The following BTN2A1 variants were observed in gnomAD, a reference collection of about 807,000 sequenced individuals.
BTN2A1 encodes butyrophilin subfamily 2 member A1, also known as butyrophilin, subfamily 2, member A1.
A neutral mutation model predicts 34.5 loss-of-function variants in BTN2A1; 41 were observed. The observed-to-expected ratio is 1.19, with a 90% CI of 0.93 to 1.54. BTN2A1 has a LOEUF of 1.54. BTN2A1 is among the 40% of genes most tolerant of loss of function. BTN2A1 has a pLI of 0.00. For missense variants in BTN2A1, 642 were observed against 662.0 expected (o/e 0.97, Z 0.33); for synonymous variants, 267 against 258.6 (o/e 1.03, Z -0.31).
Position 26,462,686 on chromosome 6 carries a change from G to A in BTN2A1, c.431-558G>A, listed in dbSNP as rs146778074. The A allele has an allele frequency of 2.9e-3, 1,787 of 626,444 alleles. 7 individuals carry two copies. Among genetic ancestry groups the A allele is most frequent in the Admixed American group, 6.1e-3 (240 of 39,230 alleles). The allele number at this position is 626,444 out of a possible 1,614,324, so 38.8% of individuals were successfully genotyped here. A position where few individuals can be genotyped will look rare whatever the true frequency, so the allele number is the denominator to read the frequency against. On this transcript the variant is annotated intron_variant, in intron 3 of 7. Transcript: ENST00000312541. ...CACCTCCTATGGGTGGTAGAAAGCG[G>A]TGGTTATGTGAAGTTCTGAACTAGA... is the stretch of plus-strand genomic sequence containing the variant.
In BTN2A1 at chr6:26,458,774, T is replaced by C. The variant is rs1467428085; in HGVS notation, c.82+56T>C. Reference sequence around the variant, plus strand: ...CTATCAGAAAGGAACATCAACCCTGTAGTCTGCAAAGGGAAAGAAAGAAGG... The same window carrying C: ...CTATCAGAAAGGAACATCAACCCTGCAGTCTGCAAAGGGAAAGAAAGAAGG... On this transcript the variant is annotated intron_variant, in intron 2 of 7. Transcript: ENST00000312541. 4.4e-6 allele frequency: 7 copies of C among 1,587,720 alleles called. No individual in the cohort carries two copies. In the African/African-American group the frequency reaches 9.4e-5, roughly 21 times the overall value.
downstream of BTN2A1, among the ~76,000 whole-genome samples, chr6:26,473,984 TC>T (rs1763496834): frequency 6.6e-6 from 1 of 152,270 alleles, no homozygotes; most frequent in South Asian, 2.1e-4. Flanking sequence ...TTAGTGTTTC[TC>T]GGACCGAGTG....
downstream of BTN2A1, among the ~76,000 whole-genome samples, chr6:26,474,338 C>A (rs1193980492): frequency 1.3e-5 from 2 of 152,212 alleles, no homozygotes; most frequent in African/African-American, 4.8e-5. Context: ...CTGTGTGTCA[C>A]TTCCCTTGTG....
At position 26,468,965 on chromosome 6, in the gene BTN2A1, A is replaced by G; in HGVS notation, c.*416A>G. 2.5e-6 allele frequency: 3 copies of G among 1,207,720 alleles called. No individual in the cohort carries two copies. Among genetic ancestry groups the G allele is most frequent in the Non-Finnish European group, 3.1e-6 (3 of 954,844 alleles). The allele number at this position is 1,207,720 out of a possible 1,614,324, so 74.8% of individuals were successfully genotyped here. ...GATGTAAGAGGAGAGAGGAATCCAC[A>G]GGACCACCAGAGAGGAGAGGGAACC... On this transcript the variant is annotated 3_prime_UTR_variant, in exon 8 of 8. Transcript: ENST00000312541.
intron 7 of BTN2A1, chr6:26,476,044 G>T: frequency 1.7e-6 from 2 of 1,155,404 alleles, no homozygotes; most frequent in Admixed American, 2.0e-5. Flanking sequence ...TTTTTTTAGT[G>T]TAGTGATTTC....
At chr6:26,465,125 G>T in intron 4 of BTN2A1, 60 bp from the exon 5 acceptor site, 1 of 1,447,892 alleles carries the variant, frequency 6.9e-7, no homozygotes, top group Non-Finnish European at 9.7e-7. Flanking sequence ...GCTCCTAGGG[G>T]CACTCTTACC....
In BTN2A1 at chr6:26,468,109, G is replaced by A. The variant is rs765022777; in HGVS notation, c.1144G>A (p.Ala382Thr). Residue 382 changes from alanine to threonine, a missense_variant, in exon 8 of 8, where the codon GCT (alanine) becomes ACT (threonine). Ala to Thr is a moderately conservative substitution (Grantham distance 58). Transcript: ENST00000312541. ...QPCVLGRESFASGKHYWEVEV... is the reference protein window; with the variant it reads ...QPCVLGRESFTSGKHYWEVEV... ...TTGTGTCCTAGGCCGGGAGAGCTTC[G>A]CTTCAGGGAAACATTACTGGGAGGT... 12 of 1,614,062 alleles carry A rather than the reference G, an allele frequency of 7.4e-6. No individual in the cohort carries two copies. The highest frequency in any genetic ancestry group is 1.6e-4 in the Middle Eastern group (1 of 6,084).
intron 5 of BTN2A1, 72 bp downstream of exon 5, chr6:26,465,478 C>T: frequency 6.9e-7 from 1 of 1,450,710 alleles, no homozygotes; most frequent in Non-Finnish European, 9.6e-7. Flanking sequence ...AGGCAGATCA[C>T]TTGAGCCCTG....
rs1438195274 is a variant in BTN2A1 at position 26,466,057 on chromosome 6, T to C, written c.956-5T>C. On this transcript the variant is annotated splice_polypyrimidine_tract_variant and splice_region_variant and intron_variant, in intron 6 of 7. Coordinates refer to ENST00000312541, the MANE Select transcript of BTN2A1 (RefSeq NM_007049.5). ...ATGACATTCGTCTCTGTCTGTCCCT[T>C]GCAGGATGGAGAAGAACATTCTTAC... 1 of 1,614,188 alleles carries C rather than the reference T, an allele frequency of 6.2e-7. No individual in the cohort carries two copies. The highest frequency in any genetic ancestry group is 8.5e-7 in the Non-Finnish European group (1 of 1,180,044).
Position 26,468,205 on chromosome 6 carries a change from C to T in BTN2A1, c.1240C>T (p.Leu414=). ...CAGTGTTGAGAGGAAAGGGGAGGTCCTGCTGATTCCTCAGAATGGCTTCTG... is the reference window on the plus strand; with the variant it reads ...CAGTGTTGAGAGGAAAGGGGAGGTCTTGCTGATTCCTCAGAATGGCTTCTG... The part of the protein sequence containing the change: ...RDSVERKGEV[L]LIPQNGFWTL... The change falls in exon 8 of 8, where the codon CTG becomes TTG. Residue 414 remains leucine, a synonymous_variant. Transcript: ENST00000312541. 3 of 1,614,180 alleles carry T rather than the reference C, an allele frequency of 1.9e-6. No homozygotes were observed. Among genetic ancestry groups the T allele is most frequent in the Non-Finnish European group, 2.5e-6 (3 of 1,180,024 alleles).
chr6:26,463,449 G>C lies in BTN2A1; in HGVS notation c.636G>C (p.Lys212Asn). 1.9e-6 allele frequency: 3 copies of C among 1,614,208 alleles called. No individual in the cohort carries two copies. Among genetic ancestry groups the C allele is most frequent in the Non-Finnish European group, 2.5e-6 (3 of 1,180,030 alleles). The change falls in exon 4 of 8, where the codon AAG (lysine) becomes AAC (asparagine). Residue 212 changes from lysine to asparagine, a missense_variant. Coordinates refer to ENST00000312541, the MANE Select transcript of BTN2A1 (RefSeq NM_007049.5). The stretch of plus-strand genomic sequence containing the variant: ...CCACGGCTGTGATCATCAGAGACAA[G>C]TCTGTGAGGAACATGTCCTGCTCTA... Reference protein sequence around the residue: ...MVTTAVIIRDKSVRNMSCSIN... With the variant: ...MVTTAVIIRDNSVRNMSCSIN...
intron 3 of BTN2A1, 31 bp downstream of exon 3, chr6:26,459,859 G>A (rs1279214629): frequency 6.3e-7 from 1 of 1,583,020 alleles, no homozygotes. Flanking sequence ...TTGTTACTTT[G>A]GCACAGTGTG....
At chr6:26,469,970 G>C (rs555291842), downstream of BTN2A1, among the ~76,000 whole-genome samples, 36 of 152,126 alleles carry the variant, frequency 2.4e-4, no homozygotes, top group East Asian at 7.0e-3. Context: ...CTCCTTGCTT[G>C]AGCCAGGAGT....
chr6:26,476,312 A>G, exon 8 of BTN2A1: 2 of 844,798 alleles, frequency 2.4e-6, no homozygotes, highest in Non-Finnish European at 3.9e-6. Context: ...CTGTCTATTC[A>G]TCAGCTAGGC....
At position 26,459,332 on chromosome 6, in the gene BTN2A1, C is replaced by A. The variant is rs1763095771; in HGVS notation, c.83-149C>A. 5.8e-6 allele frequency: 5 copies of A among 864,428 alleles called. No individual in the cohort carries two copies. The East Asian group carries it at 1.3e-4, about 23-fold the overall frequency. 53.5% of individuals were successfully genotyped at this position (864,428 alleles called of 1,614,324 possible). On this transcript the variant is annotated intron_variant, in intron 2 of 7. Transcript: ENST00000312541. ...TGCTCCCAGGGGTGCTGTCGACTAGCCACAGCTACTGGTCCCCAGATTTCT... is the reference window on the plus strand; with the variant it reads ...TGCTCCCAGGGGTGCTGTCGACTAGACACAGCTACTGGTCCCCAGATTTCT...
intron 7 of BTN2A1, among the ~76,000 whole-genome samples, chr6:26,475,647 C>T (rs1763525200): frequency 6.6e-6 from 1 of 152,012 alleles, no homozygotes; most frequent in Non-Finnish European, 1.5e-5. Context: ...GTGGCTCACG[C>T]CTGTAATTTC....
At chr6:26,475,107 A>G (rs1763516822) in intron 7 of BTN2A1, among the ~76,000 whole-genome samples, 1 of 152,162 alleles carries the variant, frequency 6.6e-6, no homozygotes, top group African/African-American at 2.4e-5. Flanking sequence ...TATGTTTAGG[A>G]ACATATTCCA....
rs1763076147 is a variant in BTN2A1 at position 26,458,685 on chromosome 6, C to T, written c.49C>T (p.Leu17Phe). The T allele has an allele frequency of 3.7e-6, 6 of 1,614,120 alleles. No homozygotes were observed. Among genetic ancestry groups the T allele is most frequent in the Non-Finnish European group, 5.1e-6 (6 of 1,179,978 alleles). The part of the protein sequence containing the change: ...LHFSRPASLL[L>F]LLLSLCALVS... ...CTTCTCCCGGCCAGCCTCCCTCCTC[C>T]TCCTCCTCCTCAGCCTGTGTGCACT... Residue 17 changes from leucine to phenylalanine, a missense_variant, in exon 2 of 8, where the codon CTC (leucine) becomes TTC (phenylalanine). Coordinates refer to ENST00000312541, the MANE Select transcript of BTN2A1 (RefSeq NM_007049.5).
rs561230271 is a variant in BTN2A1, at chr6:26,468,607, C to T, written c.*58C>T. On this transcript the variant is annotated 3_prime_UTR_variant, in exon 8 of 8. Transcript: ENST00000312541. ...AAGCCCTGGTCATCTCAGCAGCCAC[C>T]GCACAACACCCCTGGTGGAAGACAC... The T allele has an allele frequency of 2.8e-5, 45 of 1,614,136 alleles. No homozygotes were observed. In the South Asian group the frequency reaches 4.2e-4, roughly 15 times the overall value.
Sources: gnomAD v4.1 joint callset for allele counts (sites outside exome capture counted in the v4.1 genomes callset) on GRCh38, gnomAD v4.1.1 for gene constraint, MANE v1.5 for transcripts, NCBI Gene and HGNC (gene_info 2026-07-23, HGNC 2026-07-21) for gene names.